EVC: variants seen among roughly 807,000 people sequenced by gnomAD.
EVC encodes the protein evC complex member EVC.
Under a neutral mutation model 118.9 loss-of-function variants are expected in EVC, and 116 were observed. The ratio of observed to expected loss-of-function variants is 0.98; its 90% CI spans 0.84 to 1.14. The LOEUF (loss-of-function observed/expected upper bound fraction) is 1.14. Ranked by LOEUF, EVC falls within the 50% of genes most tolerant of loss-of-function variation. EVC has a pLI of 0.00. For synonymous variants in EVC, 619 were observed against 534.7 expected (o/e 1.16, Z -2.18); for missense variants, 1,401 against 1,246.4 (o/e 1.12, Z -1.87).
chr4:5,740,782 G>T (rs993231126), intron 5 of EVC, among the ~76,000 whole-genome samples: 1 of 152,122 alleles, frequency 6.6e-6, no homozygotes, highest in African/African-American at 2.4e-5. Flanking sequence ...GGAAGGACAT[G>T]AACAGATATT....
chr4:5,819,502 G>A, the EVC span, among the ~76,000 whole-genome samples: 4 of 152,180 alleles, frequency 2.6e-5, no homozygotes, highest in African/African-American at 4.8e-5. Context: ...TCTTGGAGGC[G>A]CTGGGGAACC....
the EVC span, chr4:5,825,824 TGCAGCC>T: frequency 3.0e-6 from 2 of 659,928 alleles, no homozygotes; most frequent in East Asian, 6.1e-5. The surrounding 1 kb of genome is among the most constrained non-coding windows in gnomAD (Gnocchi z 4.4). Flanking sequence ...TTCACACACA[TGCAGCC>T]GCACACAGGC....
downstream of EVC, among the ~76,000 whole-genome samples, chr4:5,817,714 G>T (rs190729385): frequency 6.6e-6 from 1 of 152,212 alleles, no homozygotes; most frequent in Non-Finnish European, 1.5e-5. Context: ...GAGTAACACA[G>T]AGGAGGGTTA....
downstream of EVC, among the ~76,000 whole-genome samples, chr4:5,815,896 T>C (rs1315114588): frequency 6.6e-6 from 1 of 151,912 alleles, no homozygotes; most frequent in Non-Finnish European, 1.5e-5. Context: ...GAATATTCCT[T>C]TCCTCCTGTG....
At chr4:5,806,197 A>C (rs1004923746) in intron 17 of EVC, among the ~76,000 whole-genome samples, 1 of 151,750 alleles carries the variant, frequency 6.6e-6, no homozygotes, top group Admixed American at 6.6e-5. Context: ...CTCTTGCCTC[A>C]GTCTCCCGAG....
At chr4:5,725,381 A>G (rs754340249) in intron 2 of EVC, among the ~76,000 whole-genome samples, 23 of 152,290 alleles carry the variant, frequency 1.5e-4, no homozygotes, top group African/African-American at 5.5e-4. Context: ...CCTCACCAGC[A>G]TCTGTTGTTT....
chr4:5,736,816 C>T (rs534163983), intron 5 of EVC, among the ~76,000 whole-genome samples: 1 of 152,268 alleles, frequency 6.6e-6, no homozygotes, highest in South Asian at 2.1e-4. Context: ...TCTCCTTGGG[C>T]CTCCCTATTT....
chr4:5,748,019 T>C (rs1729630697), intron 7 of EVC, 129 bp from the exon 8 acceptor site: 1 of 1,061,954 alleles, frequency 9.4e-7, no homozygotes, highest in African/African-American at 1.6e-5. Context: ...ATAAACTCAC[T>C]GAAACTGTAG....
At chr4:5,801,752 A>G (rs774331160) in intron 15 of EVC, 198 bp from the exon 16 acceptor site, 6 of 606,700 alleles carry the variant, frequency 9.9e-6, no homozygotes, top group Non-Finnish European at 1.8e-5. Context: ...GGCTCTAGAC[A>G]TCCCTGACCT....
In EVC at chr4:5,719,129, G is replaced by A. The variant is rs1016902237; in HGVS notation, c.175-119G>A. On this transcript the variant is annotated intron_variant, in intron 1 of 20. Transcript: ENST00000264956. This position sits in a 1 kb window ranked among gnomAD's most constrained non-coding sequence, Gnocchi z 4.7. ...GACCAAGCTTGAGAAGCACAGAGGC[G>A]AGCAGAAGTGGCTGCTGGACTGGGG... The A allele has an allele frequency of 4.0e-5, 53 of 1,330,350 alleles. No individual in the cohort carries two copies. The highest frequency in any genetic ancestry group is 4.9e-5 in the Non-Finnish European group (46 of 930,232). 82.4% of individuals were successfully genotyped at this position (1,330,350 alleles called of 1,614,324 possible).
chr4:5,767,422 C>G (rs1733089218), intron 11 of EVC, among the ~76,000 whole-genome samples: 1 of 149,682 alleles, frequency 6.7e-6, no homozygotes, highest in South Asian at 2.2e-4. Context: ...CTGTGGTGGG[C>G]TCCACCCAGT....
intron 11 of EVC, among the ~76,000 whole-genome samples, chr4:5,769,069 A>G (rs984242806): frequency 1.3e-5 from 2 of 152,106 alleles, no homozygotes; most frequent in Admixed American, 6.5e-5. Flanking sequence ...CACCTATATT[A>G]ATTTGTTCTC....
chr4:5,722,810 G>T (rs1396393592), intron 2 of EVC, among the ~76,000 whole-genome samples: 1 of 152,226 alleles, frequency 6.6e-6, no homozygotes, highest in African/African-American at 2.4e-5. Flanking sequence ...AGCTGAGGAA[G>T]TTTTACCTTG....
intron 2 of EVC, among the ~76,000 whole-genome samples, chr4:5,722,826 T>C (rs1725179081): frequency 6.6e-6 from 1 of 152,222 alleles, no homozygotes; most frequent in Admixed American, 6.5e-5. Context: ...CCTTGTACAT[T>C]TCGCTGCAAC....
In EVC at chr4:5,754,485, C is replaced by G. The variant is rs1421794397; in HGVS notation, c.1464+552C>G. Among the ~76,000 whole-genome samples, 2 of 152,102 alleles carry G rather than the reference C, an allele frequency of 1.3e-5. No homozygotes were observed. The highest frequency in any genetic ancestry group is 2.9e-5 in the Non-Finnish European group (2 of 68,020). ...AGGACAAAAAGCAAGATGTCACCCTCCAAGGAAAAGGAGTCAGCTGGCCCC... is the reference window on the plus strand; with the variant it reads ...AGGACAAAAAGCAAGATGTCACCCTGCAAGGAAAAGGAGTCAGCTGGCCCC... On this transcript the variant is annotated intron_variant, in intron 10 of 20. Coordinates refer to ENST00000264956, the MANE Select transcript of EVC (RefSeq NM_153717.3). The surrounding 1 kb of genome is among the most constrained non-coding windows in gnomAD (Gnocchi z 5.8).
In EVC at chr4:5,794,335, T is replaced by TTATATATATTTA. The variant is rs1219510458; in HGVS notation, c.1886+624_1886+625insTATTTATATATA. Among the ~76,000 whole-genome samples, 218 of 110,558 alleles carry TTATATATATTTA rather than the reference T, an allele frequency of 2.0e-3. 2 individuals carry two copies. The highest frequency in any genetic ancestry group is 5.8e-3 in the African/African-American group (202 of 34,906). 72.5% of individuals were successfully genotyped at this position (110,558 alleles called of 152,430 possible). A position where few individuals can be genotyped will look rare whatever the true frequency, so the allele number is the denominator to read the frequency against. On this transcript the variant is annotated intron_variant, in intron 13 of 20. Transcript: ENST00000264956. ...TATATTTATATATATTTATATATAT[T>TTATATATATTTA]TATATACTTATATATATATTTATGT...
intron 12 of EVC, 146 bp downstream of exon 12, chr4:5,783,910 C>T (rs1386351676): frequency 1.3e-6 from 1 of 757,856 alleles, no homozygotes; most frequent in African/African-American, 1.7e-5. Context: ...CACAATGGCC[C>T]ACCACAGGGG....
intron 11 of EVC, among the ~76,000 whole-genome samples, chr4:5,773,236 G>A (rs933576771): frequency 2.0e-5 from 3 of 152,178 alleles, no homozygotes; most frequent in Non-Finnish European, 4.4e-5. Flanking sequence ...TATGATCACA[G>A]TCATGCTGTG....
At chr4:5,778,286 C>T (rs1735027964) in intron 11 of EVC, among the ~76,000 whole-genome samples, 1 of 151,948 alleles carries the variant, frequency 6.6e-6, no homozygotes, top group Admixed American at 6.5e-5. Context: ...GTGAATAGTG[C>T]CGCAGTAAAC....
Sources: gnomAD v4.1 joint callset for allele counts (sites outside exome capture counted in the v4.1 genomes callset) on GRCh38, gnomAD v4.1.1 for gene constraint, Gnocchi (gnomAD v3.1) non-coding constraint, MANE v1.5 for transcripts, NCBI Gene and HGNC (gene_info 2026-07-23, HGNC 2026-07-21) for gene names.